The following C8orf34 variants were observed in gnomAD, a reference collection of about 807,000 sequenced individuals.
C8orf34 encodes uncharacterized protein C8orf34.
Under a neutral mutation model 68.3 loss-of-function variants are expected in C8orf34, and 65 were observed. The observed-to-expected ratio is 0.95, with a 90% CI of 0.78 to 1.17. The LOEUF is 1.17. Among genes scored for constraint, C8orf34 ranks in the 50% most tolerant of loss-of-function variants. The pLI, the probability that C8orf34 is intolerant of heterozygous loss-of-function variation, is 0.00. For synonymous variants in C8orf34, 244 were observed against 241.2 expected (o/e 1.01, Z -0.11); for missense variants, 664 against 655.4 (o/e 1.01, Z -0.14).
chr8:68,707,344 T>C (rs1563621458), intron 8 of C8orf34, among the ~76,000 whole-genome samples: 1 of 152,178 alleles, frequency 6.6e-6, no homozygotes, highest in African/African-American at 2.4e-5. Flanking sequence ...GTTGCGTTTT[T>C]AATCCATAGC....
chr8:68,785,290 A>G (rs2953957), intron 11 of C8orf34, among the ~76,000 whole-genome samples: 80,834 of 151,678 alleles, frequency 0.53, 23,772 homozygotes, highest in African/African-American at 0.79. Flanking sequence ...AGGTAAACAC[A>G]AATTCATACC....
chr8:68,592,795 G>A (rs1341163486), intron 7 of C8orf34, among the ~76,000 whole-genome samples: 2 of 151,810 alleles, frequency 1.3e-5, no homozygotes, highest in Non-Finnish European at 2.9e-5. Flanking sequence ...TTTCAGTAGA[G>A]ATGGGGTTTC....
At chr8:68,809,608 A>G (rs1824586680) in intron 12 of C8orf34, among the ~76,000 whole-genome samples, 1 of 152,226 alleles carries the variant, frequency 6.6e-6, no homozygotes, top group African/African-American at 2.4e-5. Flanking sequence ...AAAACAAAAA[A>G]GAACCCATTA....
chr8:68,474,934 C>T (rs997524503), intron 4 of C8orf34, among the ~76,000 whole-genome samples: 2 of 152,200 alleles, frequency 1.3e-5, no homozygotes, highest in Non-Finnish European at 2.9e-5. Context: ...AATCAGCCTT[C>T]ACTATAAGTG....
At chr8:68,506,897 C>T (rs574407969) in intron 5 of C8orf34, among the ~76,000 whole-genome samples, 112 of 152,116 alleles carry the variant, frequency 7.4e-4, no homozygotes, top group Admixed American at 1.7e-3. Flanking sequence ...TTTCTAGAGC[C>T]GTTTTTGAAG....
chr8:68,445,499 C>G (rs149798690), intron 2 of C8orf34, among the ~76,000 whole-genome samples: 25 of 152,262 alleles, frequency 1.6e-4, no homozygotes, highest in Non-Finnish European at 2.8e-4. Context: ...GAGGGATGAA[C>G]TCTTGAAACA....
chr8:68,650,273 T>G (rs1819307920), intron 8 of C8orf34, among the ~76,000 whole-genome samples: 1 of 151,970 alleles, frequency 6.6e-6, no homozygotes, highest in Non-Finnish European at 1.5e-5. Flanking sequence ...GAGCAGAAGT[T>G]TGTTTAACAA....
intron 1 of C8orf34, among the ~76,000 whole-genome samples, chr8:68,353,413 G>C (rs913054292): frequency 2.6e-5 from 4 of 151,790 alleles, no homozygotes; most frequent in Non-Finnish European, 4.4e-5. Context: ...GTAGTTTTAT[G>C]AGTGATGCAT....
chr8:68,606,654 C>A (rs528797659), intron 7 of C8orf34, among the ~76,000 whole-genome samples: 49 of 152,070 alleles, frequency 3.2e-4, no homozygotes, highest in African/African-American at 1.2e-3. Flanking sequence ...CAACATGATA[C>A]CCTGCCTCCT....
At chr8:68,409,177 T>C (rs1305309636) in intron 1 of C8orf34, among the ~76,000 whole-genome samples, 2 of 152,246 alleles carry the variant, frequency 1.3e-5, no homozygotes, top group Non-Finnish European at 2.9e-5. Context: ...GTTACTAGTT[T>C]ATGTATTTTC....
chr8:68,666,983 G>T (rs1819862403), intron 8 of C8orf34, among the ~76,000 whole-genome samples: 1 of 152,072 alleles, frequency 6.6e-6, no homozygotes, highest in Admixed American at 6.6e-5. Flanking sequence ...ATTTTTTAGA[G>T]ATTTGCTTTT....
chr8:68,792,210 T>A (rs1232618593), intron 12 of C8orf34: 1 of 151,790 alleles, frequency 6.6e-6, no homozygotes, highest in Non-Finnish European at 1.5e-5. Context: ...AACACTAGAA[T>A]TAGAATGATG....
At chr8:68,482,518 TC>T (rs1002291609) in intron 4 of C8orf34, among the ~76,000 whole-genome samples, 1 of 152,170 alleles carries the variant, frequency 6.6e-6, no homozygotes, top group Non-Finnish European at 1.5e-5. Flanking sequence ...CAAGTGATCC[TC>T]CCACCTCGGC....
Position 68,466,177 on chromosome 8 carries a change from A to G in C8orf34, c.608-2515A>G, listed in dbSNP as rs1037261465. Among the ~76,000 whole-genome samples the G allele has an allele frequency of 2.6e-5, 4 of 152,036 alleles. No individual in the cohort carries two copies. In the East Asian group the frequency reaches 5.8e-4, roughly 22 times the overall value. On this transcript the variant is annotated intron_variant, in intron 3 of 13. Transcript: ENST00000518698. ...TTATATGTGGGAGCCAATAAAACTA[A>G]TCACATGGAGGTAAGGGATTGAAAG...
At chr8:68,457,807 T>C (rs994536930) in intron 3 of C8orf34, among the ~76,000 whole-genome samples, 6 of 152,180 alleles carry the variant, frequency 3.9e-5, no homozygotes, top group Non-Finnish European at 8.8e-5. Context: ...TCTTCTTCTA[T>C]AGGTTTTATT....
intron 7 of C8orf34, among the ~76,000 whole-genome samples, chr8:68,537,513 A>G (rs1362226469): frequency 6.6e-6 from 1 of 151,392 alleles, no homozygotes; most frequent in Non-Finnish European, 1.5e-5. Context: ...TGCAGTTTGT[A>G]TCACTTTCTT....
chr8:68,552,036 C>G (rs569964443), intron 7 of C8orf34, among the ~76,000 whole-genome samples: 6 of 151,964 alleles, frequency 3.9e-5, no homozygotes, highest in Admixed American at 1.3e-4. Context: ...ATCAATTGAC[C>G]ATACATGTTT....
chr8:68,443,446 G>A (rs2129626379), intron 2 of C8orf34, among the ~76,000 whole-genome samples: 1 of 152,276 alleles, frequency 6.6e-6, no homozygotes, highest in South Asian at 2.1e-4. Context: ...CCAGGCTGGA[G>A]TGCAGTGGCA....
chr8:68,431,077 G>A (rs1298330509), intron 1 of C8orf34, among the ~76,000 whole-genome samples: 1 of 152,046 alleles, frequency 6.6e-6, no homozygotes, highest in Non-Finnish European at 1.5e-5. Context: ...GGACAGTAAG[G>A]GATAGAGCCA....
Sources: gnomAD v4.1 joint callset for allele counts (sites outside exome capture counted in the v4.1 genomes callset) on GRCh38, gnomAD v4.1.1 for gene constraint, MANE v1.5 for transcripts, NCBI Gene and HGNC (gene_info 2026-07-23, HGNC 2026-07-21) for gene names.